The following CCNB3 variants were observed in gnomAD, a reference collection of about 807,000 sequenced individuals.
CCNB3 encodes the protein cyclin B3.
In CCNB3, 12 loss-of-function variants were observed where a neutral mutation model predicts 68.0. The ratio of observed to expected loss-of-function variants is 0.18; its 90% confidence interval spans 0.11 to 0.29. The LOEUF (loss-of-function observed/expected upper bound fraction) is 0.29, where lower values mean the gene tolerates loss of function less well. Among genes scored for constraint, CCNB3 ranks in the 10% least tolerant of loss-of-function variants. CCNB3 has a pLI of 1.00. For synonymous variants in CCNB3, 354 were observed against 388.9 expected, an observed-to-expected ratio of 0.91 and a Z score of 1.06; for missense variants, 904 against 993.1, an observed-to-expected ratio of 0.91 and a Z score of 1.21.
intron 8 of CCNB3, among the ~76,000 whole-genome samples, chrX:50,335,096 C>T (rs781872261): frequency 2.7e-5 from 3 of 111,679 alleles, no homozygotes; most frequent in African/African-American, 6.5e-5. Context: ...AGCAGAAGGT[C>T]GTCCGTGTAC....
intron 1 of CCNB3, among the ~76,000 whole-genome samples, chrX:50,228,895 A>G (rs1258971538): frequency 4.8e-5 from 2 of 41,941 alleles, no homozygotes; most frequent in African/African-American, 1.0e-4. Flanking sequence ...GAATATATAT[A>G]TAGAATATAT....
intron 8 of CCNB3, among the ~76,000 whole-genome samples, chrX:50,326,700 T>C (rs1381119611): frequency 9.0e-6 from 1 of 111,713 alleles, no homozygotes; most frequent in African/African-American, 3.2e-5. Context: ...TTTTCATAGA[T>C]TCAGTGTCCT....
rs1411092639 is a variant in CCNB3, at chrX:50,350,697, C to CT, written c.3961-530dup. 7.7e-3 allele frequency among the ~76,000 whole-genome samples: 767 copies of CT among 99,707 alleles called. 4 individuals carry two copies. The highest frequency in any genetic ancestry group is 0.023 in the African/African-American group (617 of 27,340). The allele number at this position is 99,707 out of a possible 115,157, so 86.6% of individuals were successfully genotyped here. A position where few individuals can be genotyped will look rare whatever the true frequency, so the allele number is the denominator to read the frequency against. On this transcript the variant is annotated intron_variant, in intron 11 of 12. Transcript: ENST00000376042. ...GAACATCTGTGACCAGGGCTAATAT[C>CT]TTTTTTTTTTTTTTAAGAGATAGGG...
rs1024548047 is a variant in CCNB3, at chrX:50,344,521, C to T, written c.3655-2131C>T. Among the ~76,000 whole-genome samples the T allele has an allele frequency of 6.2e-5, 7 of 112,102 alleles. No homozygotes were observed. In the Admixed American group the frequency reaches 6.6e-4, roughly 11 times the overall value. On this transcript the variant is annotated intron_variant, in intron 9 of 12. Transcript: ENST00000376042. The stretch of plus-strand genomic sequence containing the variant: ...GGCATCAACAAGGTTCTTCCATTTT[C>T]TGTCTGAAGATGTATTATGTGGGCA...
At chrX:50,304,112 C>G (rs1936708724) in intron 5 of CCNB3, among the ~76,000 whole-genome samples, 1 of 111,334 alleles carries the variant, frequency 9.0e-6, no homozygotes. Flanking sequence ...TCTTGGCACC[C>G]TTCTTGGAAA....
At chrX:50,301,280 C>CT (rs1557212554) in intron 5 of CCNB3, among the ~76,000 whole-genome samples, 3 of 111,198 alleles carry the variant, frequency 2.7e-5, no homozygotes, top group Admixed American at 1.9e-4. Flanking sequence ...TGCCTTTGGT[C>CT]TTTGGTGATG....
intron 5 of CCNB3, among the ~76,000 whole-genome samples, chrX:50,297,788 G>T (rs1454567861): frequency 6.2e-4 from 69 of 111,262 alleles, no homozygotes; most frequent in Non-Finnish European, 1.0e-3. Flanking sequence ...CCATTTGTTT[G>T]TATCCTCTTT....
chrX:50,204,818 C>T lies in CCNB3; in HGVS notation c.-245C>T, dbSNP rs1035875216. 1.3e-4 allele frequency: 14 copies of T among 106,746 alleles called. No individual in the cohort carries two copies. Among genetic ancestry groups the T allele is most frequent in the Non-Finnish European group, 2.3e-4 (12 of 51,716 alleles). 8.8% of individuals were successfully genotyped at this position (106,746 alleles called of 1,213,427 possible). A position where few individuals can be genotyped will look rare whatever the true frequency, so the allele number is the denominator to read the frequency against. ...GTTGGGCTGAGGCGGTTGGTCGCCT[C>T]TCTCTCTCTCTCTCTCTGTTCCTCA... On this transcript the variant is annotated 5_prime_UTR_variant, in exon 1 of 13. Coordinates refer to ENST00000376042, the MANE Select transcript of CCNB3 (RefSeq NM_033031.3).
At chrX:50,227,257 A>G (rs1186748277) in intron 1 of CCNB3, among the ~76,000 whole-genome samples, 4 of 84,201 alleles carry the variant, frequency 4.8e-5, no homozygotes, top group East Asian at 3.4e-4. Flanking sequence ...GAATATATAT[A>G]TAAATATATA....
intron 1 of CCNB3, among the ~76,000 whole-genome samples, chrX:50,282,951 G>C (rs1394779910): frequency 9.0e-6 from 1 of 111,354 alleles, no homozygotes; most frequent in Admixed American, 9.7e-5. Flanking sequence ...ATACAGTGCA[G>C]TTAACAGTGG....
At position 50,336,634 on chromosome X, in the gene CCNB3, C is replaced by A. The variant is rs1036462113; in HGVS notation, c.3517-5568C>A. 2.3e-4 allele frequency among the ~76,000 whole-genome samples: 26 copies of A among 111,731 alleles called. 1 individual carries two copies. Among genetic ancestry groups the A allele is most frequent in the African/African-American group, 8.5e-4 (26 of 30,718 alleles). On this transcript the variant is annotated intron_variant, in intron 8 of 12. Coordinates refer to ENST00000376042, the MANE Select transcript of CCNB3 (RefSeq NM_033031.3). ...GTCGTTCATAGAATTGCGCTGGACT[C>A]TCCTCTTTTCCTTGGATGACCTCAG... is the stretch of plus-strand genomic sequence containing the variant.
At chrX:50,303,393 G>C (rs1936693233) in intron 5 of CCNB3, among the ~76,000 whole-genome samples, 1 of 109,834 alleles carries the variant, frequency 9.1e-6, no homozygotes, top group Admixed American at 9.7e-5. Context: ...TGATCTGCCT[G>C]CCTCGGCCTC....
chrX:50,203,348 ACTGT>A (rs1489181347), upstream of CCNB3, among the ~76,000 whole-genome samples: 7 of 112,539 alleles, frequency 6.2e-5, no homozygotes, highest in African/African-American at 1.9e-4. Flanking sequence ...TCATGAAATC[ACTGT>A]CTGTCTGGTA....
intron 1 of CCNB3, among the ~76,000 whole-genome samples, chrX:50,279,901 G>T (rs1387711154): frequency 2.4e-5 from 2 of 82,601 alleles, no homozygotes; most frequent in South Asian, 5.4e-4. Flanking sequence ...AATATATAGT[G>T]TATATATATA....
intron 1 of CCNB3, among the ~76,000 whole-genome samples, chrX:50,227,259 AAATATATATACAG>A (rs1337636461): frequency 1.7e-4 from 14 of 83,756 alleles, no homozygotes; most frequent in Admixed American, 8.6e-4. Context: ...ATATATATAT[AAATATATATACAG>A]AATATATATA....
At chrX:50,203,325 G>A (rs1935295515), upstream of CCNB3, among the ~76,000 whole-genome samples, 1 of 112,285 alleles carries the variant, frequency 8.9e-6, no homozygotes, top group Admixed American at 9.4e-5. Context: ...TAAATGAAGT[G>A]AACCATCAGC....
intron 5 of CCNB3, among the ~76,000 whole-genome samples, chrX:50,299,099 A>AT (rs1936558920): frequency 9.0e-6 from 1 of 111,257 alleles, no homozygotes; most frequent in South Asian, 3.8e-4. Context: ...GGATTCATTG[A>AT]TTTTTTGAAG....
intron 5 of CCNB3, among the ~76,000 whole-genome samples, chrX:50,300,100 G>T (rs1936591246): frequency 9.0e-6 from 1 of 111,731 alleles, no homozygotes; most frequent in African/African-American, 3.3e-5. Flanking sequence ...TTGCCAGTCT[G>T]TGCCTTTTAA....
chrX:50,320,054 T>G (rs146374458), intron 8 of CCNB3, among the ~76,000 whole-genome samples: 235 of 111,290 alleles, frequency 2.1e-3, no homozygotes, highest in African/African-American at 6.6e-3. Flanking sequence ...TTATGATGGA[T>G]GTCGGGATGT....
Sources: gnomAD v4.1 joint callset for allele counts (sites outside exome capture counted in the v4.1 genomes callset) on GRCh38, gnomAD v4.1.1 for gene constraint, MANE v1.5 for transcripts, NCBI Gene and HGNC (gene_info 2026-07-23, HGNC 2026-07-21) for gene names.